MALT1: variants seen among roughly 807,000 people sequenced by gnomAD.
The protein encoded by MALT1 is mucosa-associated lymphoid tissue lymphoma translocation protein 1.
In MALT1, 36 loss-of-function variants were observed where a neutral mutation model predicts 85.5. The ratio of observed to expected loss-of-function variants is 0.42; its 90% CI spans 0.32 to 0.56. The LOEUF is 0.56. MALT1 is among the 20% of genes least tolerant of loss of function. The pLI, the probability that MALT1 is intolerant of heterozygous loss-of-function variation, is 0.10. For synonymous variants in MALT1, 359 were observed against 361.3 expected (o/e 0.99, Z 0.07); for missense variants, 716 against 981.6 (o/e 0.73, Z 3.62).
At chr18:58,731,403 T>C (rs1358830896) in intron 10 of MALT1, among the ~76,000 whole-genome samples, 1 of 152,248 alleles carries the variant, frequency 6.6e-6, no homozygotes, top group African/African-American at 2.4e-5. Context: ...ATTAAATCCA[T>C]TCTTTTGGTC....
chr18:58,747,737 C>T lies in MALT1; in HGVS notation c.2370C>T (p.Phe790=), dbSNP rs200126163. ...SRTPDAFISS[F]AHHASCHFSR... ...CTCCAGATGCATTTATTTCAAGTTT[C>T]GCTCACCATGCTTCATGTCATTTTA... is the stretch of plus-strand genomic sequence containing the variant. Residue 790 remains phenylalanine, a synonymous_variant, in exon 17 of 17, where the codon TTC becomes TTT. Coordinates refer to ENST00000649217, the MANE Select transcript of MALT1 (RefSeq NM_006785.4). 3.5e-4 allele frequency: 560 copies of T among 1,614,152 alleles called. No individual in the cohort carries two copies. The highest frequency in any genetic ancestry group is 4.5e-4 in the Non-Finnish European group (530 of 1,179,978).
chr18:58,739,571 G>A (rs544240691), intron 13 of MALT1, among the ~76,000 whole-genome samples: 1 of 152,274 alleles, frequency 6.6e-6, no homozygotes, highest in East Asian at 1.9e-4. Flanking sequence ...CAGTAAAGTA[G>A]ATTGCTCTCC....
chr18:58,729,489 CA>C (rs72233465), intron 10 of MALT1, among the ~76,000 whole-genome samples: 63,959 of 96,326 alleles, frequency 0.66, 19,231 homozygotes, highest in Middle Eastern at 0.79. Context: ...AACTCCGTCT[CA>C]AAAAAAAAAA....
At chr18:58,730,582 G>C (rs1434813333) in intron 10 of MALT1, among the ~76,000 whole-genome samples, 2 of 152,132 alleles carry the variant, frequency 1.3e-5, no homozygotes, top group Non-Finnish European at 2.9e-5. Context: ...TAATAATACT[G>C]CTGTGAGCAT....
intron 8 of MALT1, among the ~76,000 whole-genome samples, chr18:58,715,039 G>A (rs955661353): frequency 3.9e-5 from 6 of 152,082 alleles, no homozygotes; most frequent in African/African-American, 1.2e-4. Flanking sequence ...TTACCTGTGC[G>A]TCATTCTCCT....
chr18:58,682,533 C>T (rs574269560), intron 2 of MALT1, among the ~76,000 whole-genome samples: 1 of 152,340 alleles, frequency 6.6e-6, no homozygotes, highest in South Asian at 2.1e-4. Context: ...TGGGCTCCTT[C>T]ATTCTTGCCC....
intron 2 of MALT1, among the ~76,000 whole-genome samples, chr18:58,681,565 A>G (rs1453681738): frequency 6.6e-6 from 1 of 152,240 alleles, no homozygotes; most frequent in African/African-American, 2.4e-5. Flanking sequence ...AAAAATTTGA[A>G]TGTAACTACA....
At chr18:58,682,781 G>C (rs1459805884) in intron 2 of MALT1, among the ~76,000 whole-genome samples, 3 of 152,184 alleles carry the variant, frequency 2.0e-5, no homozygotes, top group Non-Finnish European at 2.9e-5. Flanking sequence ...ACTACAAATG[G>C]AAAGGGCCCT....
At chr18:58,679,776 T>C (rs2144306959) in intron 1 of MALT1, among the ~76,000 whole-genome samples, 1 of 152,268 alleles carries the variant, frequency 6.6e-6, no homozygotes, top group East Asian at 1.9e-4. Context: ...CTCAAACTCC[T>C]GGCTTGATGA....
chr18:58,672,177 C>G, intron 1 of MALT1: 1 of 243,450 alleles, frequency 4.1e-6, no homozygotes, highest in East Asian at 7.9e-5. Flanking sequence ...GGAAAGCTGT[C>G]AGGGGACCCC....
At chr18:58,694,766 G>GT (rs1449904758) in intron 2 of MALT1, among the ~76,000 whole-genome samples, 2 of 152,236 alleles carry the variant, frequency 1.3e-5, no homozygotes, top group Non-Finnish European at 2.9e-5. Context: ...GGTCTCTCGT[G>GT]AGGCAGCAGT....
intron 2 of MALT1, among the ~76,000 whole-genome samples, chr18:58,692,718 A>G (rs917486247): frequency 4.6e-5 from 7 of 152,346 alleles, no homozygotes; most frequent in African/African-American, 1.7e-4. Context: ...ATTTTACTTA[A>G]TGAGGAAGGC....
At chr18:58,740,868 A>C (rs1408610826) in intron 13 of MALT1, among the ~76,000 whole-genome samples, 1 of 152,152 alleles carries the variant, frequency 6.6e-6, no homozygotes, top group African/African-American at 2.4e-5. Context: ...CTCTCAATTT[A>C]CCAAATTTTC....
intron 14 of MALT1, among the ~76,000 whole-genome samples, chr18:58,743,868 T>G (rs2055333037): frequency 6.6e-6 from 1 of 152,170 alleles, no homozygotes; most frequent in South Asian, 2.1e-4. Context: ...TTGTCCCATA[T>G]GTAAAGGAAC....
Position 58,719,200 on chromosome 18 carries a change from C to A in MALT1, c.1018+3233C>A, listed in dbSNP as rs79257774. Among the ~76,000 whole-genome samples the A allele has an allele frequency of 7.2e-5, 11 of 152,224 alleles. No individual in the cohort carries two copies. In the East Asian group the frequency reaches 1.2e-3, roughly 16 times the overall value. The stretch of plus-strand genomic sequence containing the variant: ...TCTGCTGGTCTTTCTTGGGGTCTCT[C>A]ATGCAACTGCAGTCAGATGAGGCTG... On this transcript the variant is annotated intron_variant, in intron 9 of 16. Transcript: ENST00000649217.
intron 3 of MALT1, among the ~76,000 whole-genome samples, chr18:58,699,626 G>A (rs2054643245): frequency 6.6e-6 from 1 of 152,210 alleles, no homozygotes; most frequent in African/African-American, 2.4e-5. Context: ...AATCTGAAAT[G>A]TTCCAGTGAG....
At chr18:58,744,924 G>A (rs1031262513) in intron 15 of MALT1, among the ~76,000 whole-genome samples, 21 of 151,694 alleles carry the variant, frequency 1.4e-4, no homozygotes, top group African/African-American at 2.7e-4. Context: ...GTTATTTTAC[G>A]TTGGTCTAAA....
intron 7 of MALT1, among the ~76,000 whole-genome samples, chr18:58,711,681 T>A (rs1602312126): frequency 6.6e-6 from 1 of 152,236 alleles, no homozygotes; most frequent in Admixed American, 6.5e-5. Context: ...GATGGCAAAG[T>A]ATTTTTTTCA....
At chr18:58,737,888 T>TA (rs1458266775) in intron 13 of MALT1, among the ~76,000 whole-genome samples, 2 of 152,226 alleles carry the variant, frequency 1.3e-5, no homozygotes, top group African/African-American at 4.8e-5. Context: ...CGGCCCACCT[T>TA]ACCAATTTCA....
Sources: gnomAD v4.1 joint callset for allele counts (sites outside exome capture counted in the v4.1 genomes callset) on GRCh38, gnomAD v4.1.1 for gene constraint, MANE v1.5 for transcripts, NCBI Gene and HGNC (gene_info 2026-07-23, HGNC 2026-07-21) for gene names.